The following A2M variants were observed in gnomAD, a reference collection of about 807,000 sequenced individuals.
The protein encoded by A2M is alpha-2-macroglobulin.
In A2M, 128 loss-of-function variants were observed where a neutral mutation model predicts 183.9. That is an observed-to-expected ratio of 0.70 (90% CI 0.60 to 0.81). The LOEUF (loss-of-function observed/expected upper bound fraction) is 0.81. Among genes scored for constraint, A2M ranks in the 30% least tolerant of loss-of-function variants. A2M has a pLI of 0.00. For synonymous variants in A2M, 592 were observed against 670.8 expected (o/e 0.88, Z 1.81); for missense variants, 1,495 against 1,787.6 (o/e 0.84, Z 2.95).
intron 10 of A2M, among the ~76,000 whole-genome samples, chr12:9,104,998 A>G (rs1329343275): frequency 6.6e-6 from 1 of 152,188 alleles, no homozygotes; most frequent in Non-Finnish European, 1.5e-5. Flanking sequence ...TTTGGAAGGT[A>G]GGCAGATTTT....
At position 9,112,149 on chromosome 12, in the gene A2M, GA is replaced by G; in HGVS notation, c.483+9del. On this transcript the variant is annotated intron_variant, in intron 4 of 35. Coordinates refer to ENST00000318602, the MANE Select transcript of A2M (RefSeq NM_000014.6). Reference sequence around the variant, plus strand: ...AGACAATCATTTTATGTAGATAATAGAAAACTCACCAACTCATTCAGGGGGT... The same window carrying G: ...AGACAATCATTTTATGTAGATAATAGAAACTCACCAACTCATTCAGGGGGT... 6.2e-7 allele frequency: 1 copy of G among 1,613,266 alleles called. No individual in the cohort carries two copies. Among genetic ancestry groups the G allele is most frequent in the Non-Finnish European group, 8.5e-7 (1 of 1,179,360 alleles).
At chr12:9,107,414 G>T in intron 8 of A2M, 110 bp downstream of exon 8, 1 of 1,305,832 alleles carries the variant, frequency 7.7e-7, no homozygotes, top group South Asian at 1.5e-5. Context: ...TAGCCAACAT[G>T]GAATTCTCTT....
At chr12:9,089,821 T>C (rs991211429) in intron 21 of A2M, 81 bp downstream of exon 21, 5 of 940,962 alleles carry the variant, frequency 5.3e-6, no homozygotes, top group South Asian at 2.6e-5. Flanking sequence ...GAGAATAATA[T>C]TATAAAATAT....
chr12:9,092,683 C>T (rs1829281225), intron 18 of A2M, among the ~76,000 whole-genome samples: 1 of 152,158 alleles, frequency 6.6e-6, no homozygotes, highest in Non-Finnish European at 1.5e-5. Flanking sequence ...TTGCCACAGC[C>T]ATTATGGAAA....
At chr12:9,076,457 T>C (rs1948750665) in intron 28 of A2M, among the ~76,000 whole-genome samples, 1 of 152,238 alleles carries the variant, frequency 6.6e-6, no homozygotes, top group South Asian at 2.1e-4. Context: ...ACCAGCATAC[T>C]ATAGAGATGG....
chr12:9,094,352 T>TG (rs1949305567), intron 17 of A2M, among the ~76,000 whole-genome samples: 2 of 142,964 alleles, frequency 1.4e-5, no homozygotes, highest in Non-Finnish European at 3.0e-5. Context: ...TATATATATA[T>TG]ATATATATAT....
intron 15 of A2M, among the ~76,000 whole-genome samples, chr12:9,096,058 C>G (rs1193231817): frequency 6.6e-6 from 1 of 152,148 alleles, no homozygotes; most frequent in Non-Finnish European, 1.5e-5. Context: ...CGCGCCCGGC[C>G]TTTGTGACAT....
At chr12:9,103,334 TTAA>T (rs1938031448) in intron 11 of A2M, among the ~76,000 whole-genome samples, 1 of 152,210 alleles carries the variant, frequency 6.6e-6, no homozygotes, top group Admixed American at 6.5e-5. Context: ...AGTTAATTCC[TTAA>T]AATAGGGTTG....
At chr12:9,109,735 G>A in intron 6 of A2M, 132 bp downstream of exon 6, 1 of 842,796 alleles carries the variant, frequency 1.2e-6, no homozygotes, top group South Asian at 2.0e-5. Context: ...TTGGACTTAG[G>A]TGTAATTAAT....
At chr12:9,110,994 G>A (rs1938684194) in intron 4 of A2M, among the ~76,000 whole-genome samples, 1 of 152,140 alleles carries the variant, frequency 6.6e-6, no homozygotes, top group South Asian at 2.1e-4. Flanking sequence ...AAACACTTAT[G>A]TAACTATAAG....
rs774548194 is a variant in A2M at position 9,093,578 on chromosome 12, C to G, written c.2127G>C (p.Glu709Asp). Residue 709 changes from glutamate (E) to aspartate (D), a missense_variant and splice_region_variant, in exon 18 of 36, where the codon GAG becomes GAC. Transcript: ENST00000318602. The stretch of plus-strand genomic sequence containing the variant: ...CATGGCCTCTTCCCATTACATCTGA[C>G]TCTATGGTGAGTGAGGAAGAAGACA... ...GPEGLRVGFY[E>D]SDVMGRGHAR... The G allele has an allele frequency of 6.4e-7, 1 of 1,567,572 alleles. No homozygotes were observed. The highest frequency in any genetic ancestry group is 1.8e-5 in the Admixed American group (1 of 54,876).
At chr12:9,103,721 T>C (rs1242407652) in intron 11 of A2M, among the ~76,000 whole-genome samples, 1 of 152,224 alleles carries the variant, frequency 6.6e-6, no homozygotes, top group Non-Finnish European at 1.5e-5. Context: ...GGATCATTCA[T>C]GCTGTAGCAT....
chr12:9,107,385 T>A, intron 8 of A2M, 139 bp downstream of exon 8: 1 of 1,082,828 alleles, frequency 9.2e-7, no homozygotes, highest in Non-Finnish European at 1.3e-6. Flanking sequence ...AGTTCATGAT[T>A]TTTTTTGAAA....
intron 22 of A2M, among the ~76,000 whole-genome samples, chr12:9,087,211 C>A (rs1949076677): frequency 6.8e-6 from 1 of 147,130 alleles, no homozygotes; most frequent in African/African-American, 2.6e-5. Context: ...AAGCAATCTA[C>A]ATATTGAATG....
Position 9,072,648 on chromosome 12 carries a change from C to A in A2M, c.3975+5G>T. On this transcript the variant is annotated splice_donor_5th_base_variant and intron_variant, in intron 30 of 35. Coordinates refer to ENST00000318602, the MANE Select transcript of A2M (RefSeq NM_000014.6). ...GTCCTGTCCTCACCTGCCCAAGAGT[C>A]TCACCTGGAGGTAGACACATCCTTC... The A allele has an allele frequency of 6.2e-7, 1 of 1,613,968 alleles. No homozygotes were observed. Among genetic ancestry groups the A allele is most frequent in the South Asian group, 1.1e-5 (1 of 91,070 alleles).
chr12:9,107,549 G>C lies in A2M; in HGVS notation c.854C>G (p.Ala285Gly). The change falls in exon 8 of 36, where the codon GCT becomes GGT. Residue 285 changes from alanine to glycine, a missense_variant. By Grantham distance (60) the Ala-to-Gly change is moderately conservative (BLOSUM62 0). Transcript: ENST00000318602. ...CTGTCCACTGAATTTCTCACAGAAA[G>C]CCTGTGAATCTTCACCGTGGCAGTC... ...ASDCHGEDSQ[A>G]FCEKFSGQLN... is the part of the protein sequence containing the mutation. 6.2e-7 allele frequency: 1 copy of C among 1,613,922 alleles called. No homozygotes were observed. The highest frequency in any genetic ancestry group is 8.5e-7 in the Non-Finnish European group (1 of 1,179,874).
At chr12:9,102,554 C>T (rs1937960040) in intron 11 of A2M, among the ~76,000 whole-genome samples, 1 of 152,134 alleles carries the variant, frequency 6.6e-6, no homozygotes, top group East Asian at 1.9e-4. Context: ...AATCTGGATT[C>T]TAATACCTCA....
chr12:9,093,602 C>T (rs1176277804), intron 17 of A2M, 23 bp from the exon 18 acceptor site: 1 of 1,346,532 alleles, frequency 7.4e-7, no homozygotes, highest in East Asian at 2.4e-5. Flanking sequence ...AGGAAGAAGA[C>T]ATTACAATAA....
chr12:9,072,255 A>C, intron 31 of A2M, 104 bp downstream of exon 31: 3 of 1,328,652 alleles, frequency 2.3e-6, no homozygotes, highest in Non-Finnish European at 2.1e-6. Flanking sequence ...TTTTTTGTGA[A>C]TAGTGCAAAT....
Sources: allele counts gnomAD v4.1 joint callset (sites outside exome capture counted in the v4.1 genomes callset), GRCh38; gene constraint gnomAD v4.1.1; transcripts MANE v1.5; gene names NCBI Gene and HGNC (gene_info 2026-07-23, HGNC 2026-07-21).